Variants in ATF7 observed in about 807,000 individuals in gnomAD.
ATF7 encodes cyclic AMP-dependent transcription factor ATF-7.
In ATF7, 10 loss-of-function variants were observed where a neutral mutation model predicts 50.4. That is an observed-to-expected ratio of 0.20 (90% confidence interval 0.12 to 0.34). The LOEUF (loss-of-function observed/expected upper bound fraction) is 0.34, where lower values mean the gene tolerates loss of function less well. Ranked by LOEUF, ATF7 falls within the 10% of genes least tolerant of loss-of-function variation. The pLI, the probability that ATF7 is intolerant of heterozygous loss-of-function variation, is 1.00. For missense variants in ATF7, 465 were observed against 613.9 expected (o/e 0.76, Z 2.56); for synonymous variants, 201 against 226.4 (o/e 0.89, Z 1.01).
chr12:53,541,967 G>A (rs1403377600), intron 4 of ATF7, among the ~76,000 whole-genome samples: 2 of 152,074 alleles, frequency 1.3e-5, no homozygotes, highest in South Asian at 2.1e-4. Context: ...GATTACAGGC[G>A]TGCGCCGCCA....
chr12:53,509,668 G>A (rs1944092513), downstream of ATF7, among the ~76,000 whole-genome samples: 1 of 151,970 alleles, frequency 6.6e-6, no homozygotes, highest in Non-Finnish European at 1.5e-5. Context: ...ACTATGCCCG[G>A]CTAATTTTTG....
chr12:53,559,929 A>G (rs1340040745), intron 2 of ATF7, among the ~76,000 whole-genome samples: 1 of 151,956 alleles, frequency 6.6e-6, no homozygotes, highest in Non-Finnish European at 1.5e-5. Context: ...AATTTTACTT[A>G]TTTATTTATT....
chr12:53,587,083 T>C (rs1402388898), intron 2 of ATF7, among the ~76,000 whole-genome samples: 1 of 152,092 alleles, frequency 6.6e-6, no homozygotes, highest in Non-Finnish European at 1.5e-5. Context: ...AGAAGGAAAA[T>C]GTGCTGGGCA....
Position 53,531,781 on chromosome 12 carries a change from A to G in ATF7, c.890T>C (p.Ile297Thr). 6.2e-7 allele frequency: 1 copy of G among 1,612,318 alleles called. No homozygotes were observed. Among genetic ancestry groups the G allele is most frequent in the Non-Finnish European group, 8.5e-7 (1 of 1,179,428 alleles). Residue 297 changes from isoleucine to threonine, a missense_variant, in exon 9 of 12, where the codon ATC becomes ACC. By Grantham distance (89) the Ile-to-Thr change is moderately conservative. Coordinates refer to ENST00000420353, the MANE Select transcript of ATF7 (RefSeq NM_006856.3). ...TARPEQSQILIQHPDAPSPAQ... is the reference protein window; with the variant it reads ...TARPEQSQILTQHPDAPSPAQ... The stretch of plus-strand genomic sequence containing the variant: ...AGGGGATGGGGCATCAGGGTGCTGG[A>G]TGAGAATCTGGCTCTGCTCTGGGCG...
intron 2 of ATF7, among the ~76,000 whole-genome samples, chr12:53,576,734 C>A (rs976819236): frequency 2.0e-5 from 3 of 151,968 alleles, no homozygotes; most frequent in African/African-American, 7.2e-5. Context: ...ACAAGAAACG[C>A]TACAGATAAA....
intron 2 of ATF7, among the ~76,000 whole-genome samples, chr12:53,589,650 T>C (rs908090720): frequency 6.6e-6 from 1 of 152,178 alleles, no homozygotes; most frequent in Non-Finnish European, 1.5e-5. Flanking sequence ...GAGCCAAGAC[T>C]GGGAGATTCT....
intron 4 of ATF7, among the ~76,000 whole-genome samples, chr12:53,541,915 G>A (rs868129267): frequency 6.6e-6 from 1 of 151,976 alleles, no homozygotes; most frequent in Non-Finnish European, 1.5e-5. Context: ...TCTGCCTCCC[G>A]GGTTCAAGTG....
In ATF7 at chr12:53,554,517, G is replaced by A. The variant is rs1042061898; in HGVS notation, c.49-1880C>T. On this transcript the variant is annotated intron_variant, in intron 2 of 11. Coordinates refer to ENST00000420353, the MANE Select transcript of ATF7 (RefSeq NM_006856.3). ...AGGCTGAGGTGGGGGGAGCCCAGGA[G>A]GTTGAGGCTGTAGTGAGCCATGATT... Among the ~76,000 whole-genome samples, 11 of 152,092 alleles carry A rather than the reference G, an allele frequency of 7.2e-5. No homozygotes were observed. The South Asian group carries it at 2.1e-3, about 29-fold the overall frequency.
rs1944219447 is a variant in ATF7 at position 53,514,184 on chromosome 12, G to A, written c.*2953C>T. 6.6e-6 allele frequency: 1 copy of A among 152,190 alleles called. No homozygotes were observed. The highest frequency in any genetic ancestry group is 2.4e-5 in the African/African-American group (1 of 41,442). 9.4% of individuals were successfully genotyped at this position (152,190 alleles called of 1,614,324 possible). Reference sequence around the variant, plus strand: ...GAAAGTGAGCAGACCAGAAGACCTGGTTCTGTCCCCTCCCTCTGTGGCCTT... The same window carrying A: ...GAAAGTGAGCAGACCAGAAGACCTGATTCTGTCCCCTCCCTCTGTGGCCTT... On this transcript the variant is annotated 3_prime_UTR_variant, in exon 12 of 12. Transcript: ENST00000420353.
chr12:53,574,939 C>A, intron 2 of ATF7: 1 of 261,598 alleles, frequency 3.8e-6, no homozygotes, highest in South Asian at 4.8e-5. Context: ...TCTTTCTTGC[C>A]ATTGAGCTTA....
intron 2 of ATF7, among the ~76,000 whole-genome samples, chr12:53,577,847 A>C (rs1942185816): frequency 6.6e-6 from 1 of 152,178 alleles, no homozygotes; most frequent in African/African-American, 2.4e-5. Context: ...CCATAAGAAC[A>C]ATAAGCAGGC....
intron 3 of ATF7, among the ~76,000 whole-genome samples, chr12:53,546,456 CTT>C (rs978440013): frequency 1.8e-5 from 2 of 112,860 alleles, no homozygotes; most frequent in Admixed American, 9.7e-5. Flanking sequence ...TTCTTTCTTT[CTT>C]TTTTTTTTTT....
intron 2 of ATF7, among the ~76,000 whole-genome samples, chr12:53,593,231 C>G (rs140451619): frequency 6.6e-6 from 1 of 152,036 alleles, no homozygotes; most frequent in Non-Finnish European, 1.5e-5. Flanking sequence ...ACAGCAAGAC[C>G]CTGTCTCTAA....
chr12:53,525,711 C>T (rs1938412341), intron 9 of ATF7, among the ~76,000 whole-genome samples: 1 of 152,142 alleles, frequency 6.6e-6, no homozygotes, highest in South Asian at 2.1e-4. Flanking sequence ...TTTTAAAGTT[C>T]AAGCTGAAGT....
intron 2 of ATF7, among the ~76,000 whole-genome samples, chr12:53,588,176 T>C (rs529344837): frequency 1.3e-5 from 2 of 152,278 alleles, no homozygotes; most frequent in Admixed American, 1.3e-4. Flanking sequence ...ATCACTTAAA[T>C]TATTTCATGT....
At chr12:53,594,332 A>G (rs1332695230) in intron 2 of ATF7, among the ~76,000 whole-genome samples, 2 of 152,238 alleles carry the variant, frequency 1.3e-5, no homozygotes, top group East Asian at 3.8e-4. Flanking sequence ...GGAAAACAAG[A>G]GGGAATAACT....
intron 2 of ATF7, among the ~76,000 whole-genome samples, chr12:53,584,859 G>A (rs1942600722): frequency 6.6e-6 from 1 of 152,148 alleles, no homozygotes; most frequent in African/African-American, 2.4e-5. Context: ...CAGTAGTTTT[G>A]GCAAGATCAG....
intron 2 of ATF7, among the ~76,000 whole-genome samples, chr12:53,567,397 A>G (rs1186215431): frequency 6.6e-6 from 1 of 152,226 alleles, no homozygotes; most frequent in African/African-American, 2.4e-5. Flanking sequence ...AAACTGGGGC[A>G]GTTAAAGATC....
chr12:53,590,201 TA>T lies in ATF7; in HGVS notation c.48+10751del, dbSNP rs772876248. 1.4e-3 allele frequency among the ~76,000 whole-genome samples: 219 copies of T among 152,296 alleles called. 2 individuals carry two copies. The highest frequency in any genetic ancestry group is 3.5e-3 in the Admixed American group (53 of 15,302). ...ACATCTGTGATCCCCTAACCCCAAATAAAAACGTCCATTTCTTTATGTAGCC... is the reference window on the plus strand; with the variant it reads ...ACATCTGTGATCCCCTAACCCCAAATAAAACGTCCATTTCTTTATGTAGCC... On this transcript the variant is annotated intron_variant, in intron 2 of 11. Coordinates refer to ENST00000420353, the MANE Select transcript of ATF7 (RefSeq NM_006856.3).
Sources: allele counts gnomAD v4.1 joint callset (sites outside exome capture counted in the v4.1 genomes callset), GRCh38; gene constraint gnomAD v4.1.1; transcripts MANE v1.5; gene names NCBI Gene and HGNC (gene_info 2026-07-23, HGNC 2026-07-21).